The following TYW3 variants were observed in gnomAD, a reference collection of about 807,000 sequenced individuals.
TYW3 encodes the protein tRNA-yW synthesizing protein 3 homolog.
A neutral mutation model predicts 23.1 loss-of-function variants in TYW3; 26 were observed. That is an observed-to-expected ratio of 1.13 (90% CI 0.83 to 1.56). The LOEUF (loss-of-function observed/expected upper bound fraction) is 1.56, where lower values mean the gene tolerates loss of function less well. Ranked by LOEUF, TYW3 falls within the 40% of genes most tolerant of loss-of-function variation. The pLI is 0.00. For synonymous variants in TYW3, 102 were observed against 105.7 expected, an observed-to-expected ratio of 0.97 and a Z score of 0.21; for missense variants, 316 against 311.9, an observed-to-expected ratio of 1.01 and a Z score of -0.10.
At chr1:74,735,829 C>T (rs975125901) in intron 1 of TYW3, among the ~76,000 whole-genome samples, 1 of 152,176 alleles carries the variant, frequency 6.6e-6, no homozygotes, top group Non-Finnish European at 1.5e-5. Context: ...GTGGATCCAT[C>T]GTATAAATTA....
At chr1:74,756,559 C>G (rs2100774376) in intron 5 of TYW3, among the ~76,000 whole-genome samples, 1 of 152,280 alleles carries the variant, frequency 6.6e-6, no homozygotes, top group Admixed American at 6.5e-5. Flanking sequence ...AATTTCTAAG[C>G]AGCAAAGCAT....
chr1:74,764,364 C>A lies in TYW3; in HGVS notation c.*251C>A. Reference sequence around the variant, plus strand: ...ATCCCTACTTTTTTACCAGTTTCTCCCAGAAGCACCTGCTTAATAAATCAA... The same window carrying A: ...ATCCCTACTTTTTTACCAGTTTCTCACAGAAGCACCTGCTTAATAAATCAA... On this transcript the variant is annotated 3_prime_UTR_variant, in exon 6 of 6. Transcript: ENST00000370867. 1 of 333,570 alleles carries A rather than the reference C, an allele frequency of 3.0e-6. No individual in the cohort carries two copies. The highest frequency in any genetic ancestry group is 5.4e-6 in the Non-Finnish European group (1 of 185,232). 20.7% of individuals were successfully genotyped at this position (333,570 alleles called of 1,614,324 possible).
rs1407046457 is a variant in TYW3 at position 74,733,285 on chromosome 1, GT to G, written c.44del (p.Leu15Ter). 1 of 1,614,196 alleles carries G rather than the reference GT, an allele frequency of 6.2e-7. No homozygotes were observed. The highest frequency in any genetic ancestry group is 2.2e-5 in the East Asian group (1 of 44,878). On this transcript the variant is annotated frameshift_variant, in exon 1 of 6. Coordinates refer to ENST00000370867, the MANE Select transcript of TYW3 (RefSeq NM_138467.3). LOFTEE classifies it high-confidence loss of function. The stretch of plus-strand genomic sequence containing the variant: ...GAGTTCAGGAAATGGAAGGCGCAAT[GT>G]TTGAGCAAAGCGGACCTCAGCCGGA... ...SAEFRKWKAQCLSKADLSRKG... is the reference protein window; with the variant it reads ...SAEFRKWKAQXLSKADLSRKG...
At chr1:74,734,894 G>C (rs1005396062) in intron 1 of TYW3, among the ~76,000 whole-genome samples, 2 of 152,232 alleles carry the variant, frequency 1.3e-5, no homozygotes, top group African/African-American at 4.8e-5. Context: ...ATTGGCTTAA[G>C]AGCATGGAAG....
chr1:74,761,063 CTT>C (rs5775263), intron 5 of TYW3, among the ~76,000 whole-genome samples: 54 of 146,630 alleles, frequency 3.7e-4, no homozygotes, highest in Admixed American at 8.8e-4. Flanking sequence ...CCTGAACATA[CTT>C]TTTTTTTTTT....
At position 74,749,304 on chromosome 1, in the gene TYW3, T is replaced by C. The variant is rs566846887; in HGVS notation, c.426+482T>C. Among the ~76,000 whole-genome samples the C allele has an allele frequency of 7.1e-4, 108 of 152,346 alleles. 1 individual carries two copies. Among genetic ancestry groups the C allele is most frequent in the African/African-American group, 2.6e-3 (107 of 41,582 alleles). On this transcript the variant is annotated intron_variant, in intron 4 of 5. Coordinates refer to ENST00000370867, the MANE Select transcript of TYW3 (RefSeq NM_138467.3). Reference sequence around the variant, plus strand: ...CCCACTATACTCATTTGATTACTTATTGTCTGAGGTTGCTTTTGTGAGACA... The same window carrying C: ...CCCACTATACTCATTTGATTACTTACTGTCTGAGGTTGCTTTTGTGAGACA...
chr1:74,744,364 T>C (rs1028166502), intron 3 of TYW3, among the ~76,000 whole-genome samples: 17 of 151,766 alleles, frequency 1.1e-4, no homozygotes, highest in East Asian at 5.8e-4. Context: ...AGAGAGAATA[T>C]TGGGGCCAAG....
intron 3 of TYW3, among the ~76,000 whole-genome samples, chr1:74,745,032 C>T (rs755548079): frequency 5.3e-5 from 8 of 151,554 alleles, no homozygotes; most frequent in East Asian, 2.0e-4. Context: ...CTGGTGGGTT[C>T]GTGGTCTCAC....
intron 3 of TYW3, among the ~76,000 whole-genome samples, chr1:74,747,638 A>G (rs1260402153): frequency 6.8e-6 from 1 of 147,824 alleles, no homozygotes; most frequent in East Asian, 1.9e-4. Flanking sequence ...CTCCGTCTCA[A>G]AAAAAAAAAA....
At chr1:74,759,682 C>T (rs921380608) in intron 5 of TYW3, among the ~76,000 whole-genome samples, 1 of 152,146 alleles carries the variant, frequency 6.6e-6, no homozygotes, top group African/African-American at 2.4e-5. Flanking sequence ...ATCTCACTGT[C>T]ACCCAGGCTG....
Position 74,765,347 on chromosome 1 carries a change from G to A in TYW3, c.*1234G>A, listed in dbSNP as rs1403926096. The A allele has an allele frequency of 1.3e-5, 2 of 152,106 alleles. No individual in the cohort carries two copies. Among genetic ancestry groups the A allele is most frequent in the Admixed American group, 6.6e-5 (1 of 15,250 alleles). 9.4% of individuals were successfully genotyped at this position (152,106 alleles called of 1,614,324 possible). ...AGGTAAGTTATAGTCCTTACCATTG[G>A]GTCTAAGGCAGTTTCCAGGAAAGCA... On this transcript the variant is annotated 3_prime_UTR_variant, in exon 6 of 6. Transcript: ENST00000370867.
chr1:74,738,046 G>C (rs1285703981), intron 2 of TYW3, among the ~76,000 whole-genome samples: 1 of 151,744 alleles, frequency 6.6e-6, no homozygotes, highest in Non-Finnish European at 1.5e-5. Flanking sequence ...TCATGTAGCT[G>C]AGCAGTTCCA....
In TYW3 at chr1:74,766,278, A is replaced by G. The variant is rs1223680186; in HGVS notation, c.*2165A>G. On this transcript the variant is annotated 3_prime_UTR_variant, in exon 6 of 6. Coordinates refer to ENST00000370867, the MANE Select transcript of TYW3 (RefSeq NM_138467.3). ...TATACTACTTAAAATGTTAACTGTA[A>G]AACAGCTTCTGACAGGTCCTTCAGG... is the stretch of plus-strand genomic sequence containing the variant. The G allele has an allele frequency of 6.6e-6, 1 of 152,112 alleles. No homozygotes were observed. Among genetic ancestry groups the G allele is most frequent in the Non-Finnish European group, 1.5e-5 (1 of 68,030 alleles). 9.4% of individuals were successfully genotyped at this position (152,112 alleles called of 1,614,324 possible).
intron 3 of TYW3, 133 bp from the exon 4 acceptor site, chr1:74,748,618 T>C: frequency 4.0e-6 from 3 of 758,758 alleles, no homozygotes; most frequent in Non-Finnish European, 6.7e-6. Flanking sequence ...ATAGTCCGTA[T>C]TGGCTAGACG....
chr1:74,755,819 T>C (rs964216367), intron 5 of TYW3, among the ~76,000 whole-genome samples: 1 of 152,136 alleles, frequency 6.6e-6, no homozygotes, highest in African/African-American at 2.4e-5. Context: ...AAGAAGAGCA[T>C]GAACAAAGGA....
intron 5 of TYW3, among the ~76,000 whole-genome samples, chr1:74,762,925 A>G (rs1018007664): frequency 3.3e-5 from 5 of 152,200 alleles, no homozygotes; most frequent in African/African-American, 1.2e-4. Context: ...TTATTGTATC[A>G]CAAAACTAAC....
At chr1:74,739,388 T>C (rs1247050925) in intron 3 of TYW3, among the ~76,000 whole-genome samples, 1 of 152,034 alleles carries the variant, frequency 6.6e-6, no homozygotes, top group African/African-American at 2.4e-5. Context: ...AAACTGCAAG[T>C]TGCAAAATGT....
At chr1:74,736,329 T>C (rs1339070979) in intron 1 of TYW3, 4 of 370,356 alleles carry the variant, frequency 1.1e-5, no homozygotes, top group Admixed American at 4.5e-5. Flanking sequence ...TCAAGTAGTT[T>C]TACCTTTCAC....
chr1:74,749,254 A>G (rs888140260), intron 4 of TYW3, among the ~76,000 whole-genome samples: 4 of 152,222 alleles, frequency 2.6e-5, no homozygotes, highest in African/African-American at 9.6e-5. Flanking sequence ...TCGTAGGGCC[A>G]CATTCAGCCC....
Sources: allele counts gnomAD v4.1 joint callset (sites outside exome capture counted in the v4.1 genomes callset), GRCh38; gene constraint gnomAD v4.1.1; transcripts MANE v1.5; gene names NCBI Gene and HGNC (gene_info 2026-07-23, HGNC 2026-07-21).